Variants in MAN2A1 observed in about 807,000 individuals in gnomAD.
MAN2A1 encodes the protein alpha-mannosidase 2.
MAN2A1 carries 76 observed loss-of-function variants against 142.6 expected under a neutral mutation model. The observed-to-expected ratio is 0.53, with a 90% CI of 0.44 to 0.65. The LOEUF is 0.65. Among genes scored for constraint, MAN2A1 ranks in the 30% least tolerant of loss-of-function variants. The pLI is 0.00. For missense variants in MAN2A1, 1,311 were observed against 1,365.1 expected, an observed-to-expected ratio of 0.96 and a Z score of 0.62; for synonymous variants, 559 against 473.2, an observed-to-expected ratio of 1.18 and a Z score of -2.35.
chr5:109,797,686 A>C (rs1753900423), intron 12 of MAN2A1, among the ~76,000 whole-genome samples: 2 of 152,154 alleles, frequency 1.3e-5, no homozygotes, highest in African/African-American at 4.8e-5. Context: ...GCCTCCCTTT[A>C]TAGATGAAGA....
intron 3 of MAN2A1, among the ~76,000 whole-genome samples, chr5:109,718,321 A>G (rs183149594): frequency 2.0e-5 from 3 of 152,232 alleles, no homozygotes; most frequent in Admixed American, 2.0e-4. Flanking sequence ...ATTCTCACCA[A>G]TCTCATTTCT....
At chr5:109,843,866 GTT>G in intron 17 of MAN2A1, among the ~76,000 whole-genome samples, 1 of 152,172 alleles carries the variant, frequency 6.6e-6, no homozygotes, top group East Asian at 1.9e-4. Flanking sequence ...TAAAACAAGT[GTT>G]TTAGAAATTT....
intron 16 of MAN2A1, among the ~76,000 whole-genome samples, chr5:109,833,753 A>C (rs1358229361): frequency 1.3e-5 from 2 of 152,098 alleles, no homozygotes; most frequent in Non-Finnish European, 2.9e-5. Context: ...ATCATTCAGT[A>C]CTTTGAACTC....
At chr5:109,789,707 G>A (rs1315057501) in intron 12 of MAN2A1, among the ~76,000 whole-genome samples, 180 bp downstream of exon 12, 4 of 151,738 alleles carry the variant, frequency 2.6e-5, no homozygotes, top group East Asian at 1.9e-4. Context: ...CTAACACAGT[G>A]CTTAGTATAT....
chr5:109,814,411 A>T (rs1754398737), intron 12 of MAN2A1, among the ~76,000 whole-genome samples: 1 of 152,202 alleles, frequency 6.6e-6, no homozygotes, highest in Non-Finnish European at 1.5e-5. Flanking sequence ...TTTCCAAAGG[A>T]AATATCTATA....
At chr5:109,782,091 G>C (rs528298432) in intron 9 of MAN2A1, among the ~76,000 whole-genome samples, 2 of 152,142 alleles carry the variant, frequency 1.3e-5, no homozygotes, top group Non-Finnish European at 2.9e-5. Flanking sequence ...CTTCATCTCA[G>C]TTCTTACATA....
chr5:109,719,775 G>A (rs963419653), intron 3 of MAN2A1, among the ~76,000 whole-genome samples: 1 of 151,680 alleles, frequency 6.6e-6, no homozygotes, highest in Non-Finnish European at 1.5e-5. Flanking sequence ...TTTTCTTTTT[G>A]GACTGAGTTG....
At chr5:109,715,084 A>G (rs766806770) in intron 2 of MAN2A1, among the ~76,000 whole-genome samples, 1 of 152,098 alleles carries the variant, frequency 6.6e-6, no homozygotes, top group African/African-American at 2.4e-5. Context: ...AGGCAGAGCA[A>G]GTCAGGAGGG....
chr5:109,842,360 A>G lies in MAN2A1; in HGVS notation c.2599A>G (p.Ile867Val). The G allele has an allele frequency of 6.3e-7, 1 of 1,587,726 alleles. No individual in the cohort carries two copies. The highest frequency in any genetic ancestry group is 8.6e-7 in the Non-Finnish European group (1 of 1,161,418). Residue 867 changes from isoleucine (I) to valine (V), a missense_variant, in exon 17 of 22, where the codon ATT (isoleucine) becomes GTT (valine). Physicochemically the swap from Ile to Val is conservative, Grantham distance 29 (BLOSUM62 3). This residue lies in a region of MAN2A1 where 890 missense variants were observed against 920.5 expected (regional missense o/e 0.97). Coordinates refer to ENST00000261483, the MANE Select transcript of MAN2A1 (RefSeq NM_002372.4). ...AGGACAGTCTGTGGAAGTTTCCAAT[A>G]TTGTGGACATCCGAAAAGTATATAA... ...IEGQSVEVSN[I>V]VDIRKVYNRE...
chr5:109,721,311 G>A (rs1184612220), intron 3 of MAN2A1, among the ~76,000 whole-genome samples: 2 of 151,868 alleles, frequency 1.3e-5, no homozygotes, highest in Non-Finnish European at 2.9e-5. Flanking sequence ...TTTTCTTCTT[G>A]TGTTGTAGGC....
chr5:109,736,734 C>T (rs930390269), intron 4 of MAN2A1, among the ~76,000 whole-genome samples: 1 of 151,808 alleles, frequency 6.6e-6, no homozygotes, highest in Non-Finnish European at 1.5e-5. Context: ...GGTTTTTGCC[C>T]ACCTTACCCT....
intron 1 of MAN2A1, among the ~76,000 whole-genome samples, chr5:109,695,365 G>A (rs368171010): frequency 1.3e-5 from 2 of 152,186 alleles, no homozygotes. Context: ...GCATTAAGAG[G>A]TGTCTGGGCT....
chr5:109,717,113 T>C (rs1751478224), intron 3 of MAN2A1, among the ~76,000 whole-genome samples: 1 of 152,092 alleles, frequency 6.6e-6, no homozygotes, highest in Non-Finnish European at 1.5e-5. Flanking sequence ...CAAAGACTTA[T>C]TTTGAAGGAG....
chr5:109,731,268 T>C (rs1751899349), intron 4 of MAN2A1, among the ~76,000 whole-genome samples: 1 of 142,314 alleles, frequency 7.0e-6, no homozygotes, highest in African/African-American at 2.6e-5. Context: ...TACATTATTC[T>C]TTTTTTTTTT....
At chr5:109,723,298 A>T (rs757005568) in intron 3 of MAN2A1, among the ~76,000 whole-genome samples, 4 of 152,186 alleles carry the variant, frequency 2.6e-5, no homozygotes, top group Non-Finnish European at 4.4e-5. Flanking sequence ...CACTGAATCA[A>T]CTGAGAAAAA....
chr5:109,860,034 A>G (rs1421727191), intron 20 of MAN2A1, among the ~76,000 whole-genome samples: 1 of 152,066 alleles, frequency 6.6e-6, no homozygotes, highest in Admixed American at 6.6e-5. Flanking sequence ...TCATTTCAAT[A>G]TCAGCACCAC....
At chr5:109,732,918 A>G (rs1751960569) in intron 4 of MAN2A1, among the ~76,000 whole-genome samples, 1 of 152,144 alleles carries the variant, frequency 6.6e-6, no homozygotes. Context: ...TGGTAGCTTG[A>G]TGGGGATGGC....
At chr5:109,790,481 A>T (rs898441752) in intron 12 of MAN2A1, among the ~76,000 whole-genome samples, 1 of 151,902 alleles carries the variant, frequency 6.6e-6, no homozygotes, top group African/African-American at 2.4e-5. Flanking sequence ...AAGTTTTTTT[A>T]TTTTAGTAAT....
chr5:109,831,322 G>T (rs796780248), intron 16 of MAN2A1, among the ~76,000 whole-genome samples: 4 of 152,272 alleles, frequency 2.6e-5, no homozygotes, highest in African/African-American at 9.6e-5. Context: ...ATAAGACAAA[G>T]CATGGTCATT....
Sources: gnomAD v4.1 joint callset for allele counts (sites outside exome capture counted in the v4.1 genomes callset) on GRCh38, gnomAD v4.1.1 for gene constraint, gnomAD v4.1.1 regional missense constraint, MANE v1.5 for transcripts, NCBI Gene and HGNC (gene_info 2026-07-23, HGNC 2026-07-21) for gene names.